The following MAP3K7CL variants were observed in gnomAD, a reference collection of about 807,000 sequenced individuals.
The protein encoded by MAP3K7CL is MAP3K7 C-terminal-like protein.
In MAP3K7CL, 16 loss-of-function variants were observed where a neutral mutation model predicts 18.6. The ratio of observed to expected loss-of-function variants is 0.86; its 90% CI spans 0.58 to 1.31. MAP3K7CL has a LOEUF of 1.31. Among genes scored for constraint, MAP3K7CL ranks in the 50% most tolerant of loss-of-function variants. The pLI is 0.00. For synonymous variants in MAP3K7CL, 65 were observed against 66.8 expected (o/e 0.97, Z 0.13); for missense variants, 163 against 174.4 (o/e 0.93, Z 0.37).
chr21:29,155,571 A>G (rs1369052874), intron 3 of MAP3K7CL, among the ~76,000 whole-genome samples: 1 of 152,162 alleles, frequency 6.6e-6, no homozygotes, highest in Non-Finnish European at 1.5e-5. Context: ...ACAGCACCAT[A>G]GCACCGTGTG....
upstream of MAP3K7CL, chr21:29,127,626 T>G (rs1241836050): frequency 2.4e-5 from 1 of 41,694 alleles, no homozygotes; most frequent in East Asian, 1.7e-3. Flanking sequence ...TTTAGATGTA[T>G]TTTTTTTTGT....
At chr21:29,133,440 T>C in intron 2 of MAP3K7CL, 26 bp downstream of exon 2, 2 of 1,481,334 alleles carry the variant, frequency 1.4e-6, no homozygotes, top group Non-Finnish European at 1.8e-6. Flanking sequence ...GAAGAAGGAT[T>C]GTTTCCTTCA....
At chr21:29,087,984 C>T (rs1379366271) in intron 1 of MAP3K7CL, among the ~76,000 whole-genome samples, 1 of 152,158 alleles carries the variant, frequency 6.6e-6, no homozygotes. Context: ...CTTAAAACTA[C>T]ACTTAGCTTC....
chr21:29,122,296 G>C (rs1165023234), intron 4 of MAP3K7CL: 1 of 152,306 alleles, frequency 6.6e-6, no homozygotes, highest in South Asian at 2.1e-4. Flanking sequence ...CAGCATCTGG[G>C]GGGGTACCCG....
chr21:29,103,912 A>G (rs2086276256), intron 4 of MAP3K7CL, among the ~76,000 whole-genome samples: 1 of 152,140 alleles, frequency 6.6e-6, no homozygotes, highest in Non-Finnish European at 1.5e-5. Context: ...TCAAAACTAA[A>G]CTAAACTAAA....
At chr21:29,173,909 C>T (rs895819890) in intron 4 of MAP3K7CL, among the ~76,000 whole-genome samples, 2 of 152,090 alleles carry the variant, frequency 1.3e-5, no homozygotes, top group Non-Finnish European at 2.9e-5. Context: ...GCTATGTTGC[C>T]GAGGATGGTC....
At chr21:29,133,533 G>A in intron 2 of MAP3K7CL, 119 bp downstream of exon 2, 1 of 601,218 alleles carries the variant, frequency 1.7e-6, no homozygotes, top group Non-Finnish European at 2.6e-6. Context: ...CTGATGATGG[G>A]GAATGTGATA....
intron 4 of MAP3K7CL, among the ~76,000 whole-genome samples, chr21:29,116,818 C>G (rs930147393): frequency 5.9e-5 from 9 of 152,114 alleles, no homozygotes; most frequent in Non-Finnish European, 1.0e-4. Context: ...GGGTGTGAAT[C>G]AGCTATAGTT....
At chr21:29,116,961 G>C (rs2086514230) in intron 4 of MAP3K7CL, among the ~76,000 whole-genome samples, 1 of 152,096 alleles carries the variant, frequency 6.6e-6, no homozygotes, top group South Asian at 2.1e-4. Flanking sequence ...AATTTGAATT[G>C]TTTAGATTAA....
intron 4 of MAP3K7CL, among the ~76,000 whole-genome samples, chr21:29,122,679 G>A (rs981398106): frequency 1.3e-5 from 2 of 152,266 alleles, no homozygotes; most frequent in African/African-American, 2.4e-5. Context: ...CTTCTCTGCC[G>A]CTCTGCTGCC....
At chr21:29,131,632 G>A (rs563382753) in intron 1 of MAP3K7CL, 16 of 152,280 alleles carry the variant, frequency 1.1e-4, no homozygotes, top group Non-Finnish European at 2.4e-4. Flanking sequence ...GATATGGACA[G>A]TGGAGAGCTT....
At chr21:29,079,477 C>G (rs945168042) in intron 1 of MAP3K7CL, among the ~76,000 whole-genome samples, 7 of 152,380 alleles carry the variant, frequency 4.6e-5, no homozygotes, top group Admixed American at 2.0e-4. Flanking sequence ...CCACTCCCCC[C>G]AGAAAGGTCT....
At chr21:29,093,206 C>T (rs2086060535) in intron 4 of MAP3K7CL, among the ~76,000 whole-genome samples, 1 of 152,064 alleles carries the variant, frequency 6.6e-6, no homozygotes, top group African/African-American at 2.4e-5. Flanking sequence ...ACCCAGCTGA[C>T]TATCATAAGA....
chr21:29,162,985 C>T (rs2087590322), intron 4 of MAP3K7CL, among the ~76,000 whole-genome samples: 1 of 152,052 alleles, frequency 6.6e-6, no homozygotes, highest in South Asian at 2.1e-4. Flanking sequence ...ATAGCACGTG[C>T]CTGTAATCGC....
At chr21:29,092,543 C>T (rs2086046814) in exon 4 of MAP3K7CL, 2 of 1,614,112 alleles carry the variant, frequency 1.2e-6, no homozygotes, top group East Asian at 2.2e-5. Flanking sequence ...AAGCCAAAGT[C>T]TATTACTGTG....
At chr21:29,133,987 C>T (rs2086830816) in intron 2 of MAP3K7CL, among the ~76,000 whole-genome samples, 1 of 152,180 alleles carries the variant, frequency 6.6e-6, no homozygotes. Context: ...CCCTCAGTGA[C>T]CTCTTAACAC....
intron 3 of MAP3K7CL, chr21:29,092,305 C>CCAGTTT: frequency 2.8e-6 from 2 of 721,240 alleles, no homozygotes; most frequent in Non-Finnish European, 4.1e-6. Context: ...AGATTTAAAC[C>CCAGTTT]ATTAACAACC....
At chr21:29,082,017 A>G (rs75031811), upstream of MAP3K7CL, among the ~76,000 whole-genome samples, 2,939 of 152,324 alleles carry the variant, frequency 0.019, 110 homozygotes, top group African/African-American at 0.067. Context: ...CCTGGGTTTG[A>G]TAAGTTAAAT....
intron 4 of MAP3K7CL, among the ~76,000 whole-genome samples, chr21:29,121,841 G>C (rs555641467): frequency 1.1e-4 from 17 of 151,882 alleles, no homozygotes; most frequent in Admixed American, 9.2e-4. Flanking sequence ...GGAAAAAAGA[G>C]AGAGACCAAC....
Sources: allele counts gnomAD v4.1 joint callset (sites outside exome capture counted in the v4.1 genomes callset), GRCh38; gene constraint gnomAD v4.1.1; transcripts MANE v1.5; gene names NCBI Gene and HGNC (gene_info 2026-07-23, HGNC 2026-07-21).